The following PARP11 variants were observed in gnomAD, a reference collection of about 807,000 sequenced individuals.
PARP11 encodes protein mono-ADP-ribosyltransferase PARP11.
In PARP11, 31 loss-of-function variants were observed where a neutral mutation model predicts 42.9. The ratio of observed to expected loss-of-function variants is 0.72; its 90% CI spans 0.54 to 0.98. The LOEUF (loss-of-function observed/expected upper bound fraction) is 0.98. Ranked by LOEUF, PARP11 falls within the 50% of genes least tolerant of loss-of-function variation. The pLI is 0.00. For synonymous variants in PARP11, 137 were observed against 127.3 expected (o/e 1.08, Z -0.51); for missense variants, 365 against 413.1 (o/e 0.88, Z 1.01).
At chr12:3,864,716 A>G (rs1236506195) in intron 1 of PARP11, among the ~76,000 whole-genome samples, 1 of 152,098 alleles carries the variant, frequency 6.6e-6, no homozygotes, top group East Asian at 1.9e-4. Flanking sequence ...ACATTCCTTT[A>G]TTATCCTTTT....
At chr12:3,860,833 C>T (rs898913850) in intron 1 of PARP11, among the ~76,000 whole-genome samples, 2 of 152,058 alleles carry the variant, frequency 1.3e-5, no homozygotes, top group Admixed American at 6.6e-5. Flanking sequence ...CATGACACCA[C>T]GTCTGGCCAA....
chr12:3,869,229 T>C (rs1400092128), intron 1 of PARP11, among the ~76,000 whole-genome samples: 1 of 152,226 alleles, frequency 6.6e-6, no homozygotes, highest in Non-Finnish European at 1.5e-5. Context: ...CCTTTTGCCA[T>C]GTAACAACAT....
chr12:3,857,270 G>A (rs915057647), intron 1 of PARP11, among the ~76,000 whole-genome samples: 5 of 151,888 alleles, frequency 3.3e-5, no homozygotes, highest in African/African-American at 1.2e-4. Flanking sequence ...GGAACTTAAA[G>A]TATAATAATA....
chr12:3,838,145 G>A (rs994601254), intron 1 of PARP11, among the ~76,000 whole-genome samples: 1 of 150,014 alleles, frequency 6.7e-6, no homozygotes, highest in Non-Finnish European at 1.5e-5. Context: ...CTCAATTGCT[G>A]GAGAATACAC....
At chr12:3,869,918 T>C (rs975759219) in intron 1 of PARP11, among the ~76,000 whole-genome samples, 3 of 152,178 alleles carry the variant, frequency 2.0e-5, no homozygotes, top group African/African-American at 7.2e-5. Context: ...GTGAGTGACA[T>C]TACATGTTAT....
intron 1 of PARP11, chr12:3,842,386 T>A (rs1388194975): frequency 2.5e-5 from 40 of 1,595,214 alleles, no homozygotes; most frequent in Middle Eastern, 1.7e-4. Flanking sequence ...AAGTGAGGAG[T>A]CCTGGAAAGG....
chr12:3,826,448 G>A (rs1326565520), intron 3 of PARP11, among the ~76,000 whole-genome samples: 1 of 152,156 alleles, frequency 6.6e-6, no homozygotes, highest in Non-Finnish European at 1.5e-5. Flanking sequence ...ATTGCTTGAC[G>A]TAAGCTCACA....
In PARP11 at chr12:3,865,995, C is replaced by T. The variant is rs183993330; in HGVS notation, c.18+7217G>A. On this transcript the variant is annotated intron_variant, in intron 1 of 7. Transcript: ENST00000228820. ...CTTGTCTCCTTTGGTGGCTTATTAACTGTAACTCTTTGTCTACACACTATG... is the reference window on the plus strand; with the variant it reads ...CTTGTCTCCTTTGGTGGCTTATTAATTGTAACTCTTTGTCTACACACTATG... Among the ~76,000 whole-genome samples the T allele has an allele frequency of 1.7e-4, 25 of 151,334 alleles. No individual in the cohort carries two copies. The East Asian group carries it at 4.5e-3, about 27-fold the overall frequency.
intron 4 of PARP11, 21 bp downstream of exon 4, chr12:3,826,136 AC>A (rs1947517207): frequency 6.9e-7 from 1 of 1,457,968 alleles, no homozygotes; most frequent in African/African-American, 1.4e-5. Flanking sequence ...CACTCTTTCC[AC>A]CCCTATTCTC....
intron 3 of PARP11, 116 bp from the exon 4 acceptor site, chr12:3,826,349 G>A (rs767358251): frequency 1.5e-6 from 1 of 676,822 alleles, no homozygotes; most frequent in Non-Finnish European, 2.4e-6. Flanking sequence ...TTCGGGAGTA[G>A]CTGGCAAGCA....
At chr12:3,868,608 T>C (rs1948427763) in intron 1 of PARP11, among the ~76,000 whole-genome samples, 1 of 152,220 alleles carries the variant, frequency 6.6e-6, no homozygotes. Flanking sequence ...TTATCTTCCA[T>C]ATGGCTCAGT....
chr12:3,812,436 G>T lies in PARP11; in HGVS notation c.704C>A (p.Thr235Asn). Residue 235 changes from threonine to asparagine, a missense_variant, in exon 8 of 8, where the codon ACC becomes AAC. Physicochemically the swap from Thr to Asn is moderately conservative, Grantham distance 65. Coordinates refer to ENST00000228820, the MANE Select transcript of PARP11 (RefSeq NM_020367.6). ...ATAAGCAGCATCTCTAGCAAAATAG[G>T]TTCCTTAAACAAAGAGGACCAAGAA... ...GIHGAVFGKG[T>N]YFARDAAYSS... The T allele has an allele frequency of 6.2e-7, 1 of 1,602,526 alleles. No individual in the cohort carries two copies. Among genetic ancestry groups the T allele is most frequent in the Non-Finnish European group, 8.5e-7 (1 of 1,174,216 alleles).
intron 6 of PARP11, among the ~76,000 whole-genome samples, chr12:3,818,221 C>T (rs1315603479): frequency 6.6e-6 from 1 of 152,120 alleles, no homozygotes; most frequent in Non-Finnish European, 1.5e-5. Flanking sequence ...CTCCTCTTTC[C>T]CCTTTTCTTT....
chr12:3,850,291 A>C (rs767983387), intron 1 of PARP11, among the ~76,000 whole-genome samples: 3 of 152,218 alleles, frequency 2.0e-5, no homozygotes, highest in Non-Finnish European at 2.9e-5. Context: ...TAATATATAT[A>C]GCATAATTAT....
intron 4 of PARP11, among the ~76,000 whole-genome samples, chr12:3,822,377 T>C (rs1947414719): frequency 6.6e-6 from 1 of 150,680 alleles, no homozygotes; most frequent in African/African-American, 2.5e-5. Flanking sequence ...GGCGAGCGGA[T>C]CACGAGGTCA....
chr12:3,843,812 A>T (rs1947941802), intron 1 of PARP11, among the ~76,000 whole-genome samples: 1 of 152,226 alleles, frequency 6.6e-6, no homozygotes, highest in African/African-American at 2.4e-5. Context: ...TTATTTGTAC[A>T]TACCAATGTG....
chr12:3,829,402 G>A (rs970164109), intron 2 of PARP11, among the ~76,000 whole-genome samples: 7 of 152,124 alleles, frequency 4.6e-5, no homozygotes, highest in African/African-American at 1.2e-4. Flanking sequence ...TTTTGAGTGC[G>A]GATTCAAATC....
intron 1 of PARP11, among the ~76,000 whole-genome samples, chr12:3,834,527 A>T (rs1015745091): frequency 6.6e-6 from 1 of 151,256 alleles, no homozygotes; most frequent in African/African-American, 2.4e-5. Flanking sequence ...CCAGCTACTC[A>T]GGAGGCCGAG....
rs143522159 is a variant in PARP11, at chr12:3,831,573, C to T, written c.19-1555G>A. ...TGAATGAGACAATGTTATAAATGAA[C>T]GAGACAAGTTCATTTATAACAGTGC... On this transcript the variant is annotated intron_variant, in intron 1 of 7. Coordinates refer to ENST00000228820, the MANE Select transcript of PARP11 (RefSeq NM_020367.6). 6.6e-3 allele frequency among the ~76,000 whole-genome samples: 1,005 copies of T among 151,986 alleles called. 6 individuals carry two copies. Among genetic ancestry groups the T allele is most frequent in the Middle Eastern group, 0.017 (5 of 294 alleles).
Sources: gnomAD v4.1 joint callset for allele counts (sites outside exome capture counted in the v4.1 genomes callset) on GRCh38, gnomAD v4.1.1 for gene constraint, MANE v1.5 for transcripts, NCBI Gene and HGNC (gene_info 2026-07-23, HGNC 2026-07-21) for gene names.